Variants in HECW2 observed in about 807,000 individuals in gnomAD.
HECW2 encodes the protein E3 ubiquitin-protein ligase HECW2.
HECW2 carries 61 observed loss-of-function variants against 175.2 expected under a neutral mutation model. That is an observed-to-expected ratio of 0.35 (90% confidence interval 0.28 to 0.43). The LOEUF (loss-of-function observed/expected upper bound fraction) is 0.43, where lower values mean the gene tolerates loss of function less well. Ranked by LOEUF, HECW2 falls within the 20% of genes least tolerant of loss-of-function variation. The pLI is 1.00. For missense variants in HECW2, 1,524 were observed against 2,000.5 expected (o/e 0.76, Z 4.54); for synonymous variants, 671 against 731.0 (o/e 0.92, Z 1.32).
At chr2:196,240,425 A>G (rs1292987900) in intron 21 of HECW2, 24 bp downstream of exon 21, 2 of 1,522,534 alleles carry the variant, frequency 1.3e-6, no homozygotes, top group Non-Finnish European at 1.8e-6. Flanking sequence ...TATGTTCCAC[A>G]GGCCACTTCT....
intron 13 of HECW2, among the ~76,000 whole-genome samples, chr2:196,304,173 T>G (rs1354317218): frequency 6.6e-6 from 1 of 152,136 alleles, no homozygotes; most frequent in East Asian, 1.9e-4. Context: ...CTGACCATAT[T>G]ATGTGCCACA....
chr2:196,301,730 T>C (rs1247676057), intron 13 of HECW2, among the ~76,000 whole-genome samples: 1 of 151,438 alleles, frequency 6.6e-6, no homozygotes, highest in East Asian at 1.9e-4. Context: ...GGATTGTTTT[T>C]TTTTTTTTTT....
At chr2:196,309,325 T>C (rs2105719196) in intron 10 of HECW2, among the ~76,000 whole-genome samples, 1 of 152,280 alleles carries the variant, frequency 6.6e-6, no homozygotes, top group East Asian at 1.9e-4. Flanking sequence ...AAAGAGGAAT[T>C]GGGCTGAACA....
chr2:196,258,424 T>C (rs944280279), intron 17 of HECW2, among the ~76,000 whole-genome samples: 5 of 152,332 alleles, frequency 3.3e-5, no homozygotes, highest in South Asian at 2.1e-4. Context: ...ATATATTCAG[T>C]GTAAAAGCAT....
intron 28 of HECW2, among the ~76,000 whole-genome samples, chr2:196,201,890 T>G (rs946943069): frequency 2.0e-5 from 3 of 152,224 alleles, no homozygotes; most frequent in Non-Finnish European, 4.4e-5. Context: ...GCTTAGAGTC[T>G]TGGGAAATTC....
At chr2:196,275,011 A>G (rs1337137935) in intron 15 of HECW2, among the ~76,000 whole-genome samples, 1 of 152,230 alleles carries the variant, frequency 6.6e-6, no homozygotes, top group East Asian at 1.9e-4. Flanking sequence ...TATTCCACCC[A>G]CAACCATTTG....
At chr2:196,318,475 A>C (rs1370297075) in intron 9 of HECW2, 77 bp downstream of exon 9, 20 of 1,373,044 alleles carry the variant, frequency 1.5e-5, no homozygotes, top group Non-Finnish European at 1.9e-5. Flanking sequence ...CCTTATTTAC[A>C]TTGAGGGGAA....
intron 1 of HECW2, among the ~76,000 whole-genome samples, chr2:196,460,591 T>C (rs919748341): frequency 2.0e-5 from 3 of 150,994 alleles, no homozygotes; most frequent in Non-Finnish European, 3.0e-5. Flanking sequence ...CAGGGAAAAA[T>C]CTCAATTGTT....
chr2:196,209,824 T>C (rs369296813), intron 28 of HECW2, among the ~76,000 whole-genome samples: 5 of 150,840 alleles, frequency 3.3e-5, no homozygotes, highest in East Asian at 3.9e-4. Flanking sequence ...AGCGCAGTGG[T>C]GCGATCTCGG....
At chr2:196,344,541 A>G (rs549778527) in intron 2 of HECW2, among the ~76,000 whole-genome samples, 186 of 151,932 alleles carry the variant, frequency 1.2e-3, no homozygotes, top group African/African-American at 3.9e-3. Flanking sequence ...GCTTCCTCAG[A>G]CTCTGCCCCC....
chr2:196,239,967 G>A (rs1688388727), intron 21 of HECW2: 1 of 152,262 alleles, frequency 6.6e-6, no homozygotes, highest in Admixed American at 6.5e-5. Context: ...AGAGAAATAA[G>A]AGCCAAGGCC....
intron 17 of HECW2, among the ~76,000 whole-genome samples, chr2:196,270,580 A>G (rs1689691152): frequency 6.6e-6 from 1 of 152,218 alleles, no homozygotes; most frequent in African/African-American, 2.4e-5. Context: ...GTTACACTCA[A>G]AAAGTTATGT....
intron 1 of HECW2, among the ~76,000 whole-genome samples, chr2:196,501,407 G>A (rs1292263995): frequency 6.6e-6 from 1 of 152,086 alleles, no homozygotes. Context: ...GTAGAGACAG[G>A]CGTGGGAGTC....
In HECW2 at chr2:196,200,618, C is replaced by T. The variant is rs1403439529; in HGVS notation, c.*659G>A. The T allele has an allele frequency of 1.3e-5, 2 of 152,562 alleles. No homozygotes were observed. The highest frequency in any genetic ancestry group is 4.8e-5 in the African/African-American group (2 of 41,422). The allele number at this position is 152,562 out of a possible 1,614,324, so 9.5% of individuals were successfully genotyped here. On this transcript the variant is annotated 3_prime_UTR_variant, in exon 29 of 29. Coordinates refer to ENST00000644978, the MANE Select transcript of HECW2 (RefSeq NM_001348768.2). The stretch of plus-strand genomic sequence containing the variant: ...CATAAAATCTGTCATTAGTAATTCA[C>T]TGAATAATGGTTTGTCTTTAGCCAT...
At chr2:196,533,404 C>T (rs909484124) in intron 1 of HECW2, among the ~76,000 whole-genome samples, 1 of 152,134 alleles carries the variant, frequency 6.6e-6, no homozygotes. Context: ...TCAACCACCA[C>T]AAATGAAACT....
chr2:196,562,274 C>T (rs1013410326), intron 1 of HECW2, among the ~76,000 whole-genome samples: 3 of 152,150 alleles, frequency 2.0e-5, no homozygotes, highest in African/African-American at 7.2e-5. Context: ...AACAATAGCA[C>T]AAGTGATACA....
At chr2:196,531,284 G>C (rs1688830040) in intron 1 of HECW2, among the ~76,000 whole-genome samples, 1 of 152,174 alleles carries the variant, frequency 6.6e-6, no homozygotes, top group Non-Finnish European at 1.5e-5. Context: ...CTTCTGTCTT[G>C]TTCGATCTAC....
rs185878453 is a variant in HECW2 at position 196,299,786 on chromosome 2, G to A, written c.2814+6702C>T. Among the ~76,000 whole-genome samples, 154 of 152,162 alleles carry A rather than the reference G, an allele frequency of 1.0e-3. No individual in the cohort carries two copies. In the Middle Eastern group the frequency reaches 0.017, roughly 17 times the overall value. On this transcript the variant is annotated intron_variant, in intron 13 of 28. Transcript: ENST00000644978. The stretch of plus-strand genomic sequence containing the variant: ...CTACTAAAAATACAAAAAATTAGCC[G>A]GGCGTGGTGGCGGGCATCTTTGGTC...
intron 2 of HECW2, among the ~76,000 whole-genome samples, chr2:196,431,467 C>T (rs559029765): frequency 1.3e-5 from 2 of 152,116 alleles, no homozygotes; most frequent in Middle Eastern, 6.8e-3. Context: ...GATTATTTCC[C>T]AAATAAATAT....
Sources: gnomAD v4.1 joint callset for allele counts (sites outside exome capture counted in the v4.1 genomes callset) on GRCh38, gnomAD v4.1.1 for gene constraint, MANE v1.5 for transcripts, NCBI Gene and HGNC (gene_info 2026-07-23, HGNC 2026-07-21) for gene names.